The following PDGFD variants were observed in gnomAD, a reference collection of about 807,000 sequenced individuals.
PDGFD encodes the protein platelet-derived growth factor D.
PDGFD carries 30 observed loss-of-function variants against 44.7 expected under a neutral mutation model. The observed-to-expected ratio is 0.67, with a 90% CI of 0.50 to 0.91. The LOEUF is 0.91. Ranked by LOEUF, PDGFD falls within the 40% of genes least tolerant of loss-of-function variation. PDGFD has a pLI of 0.00. For missense variants in PDGFD, 445 were observed against 457.8 expected (o/e 0.97, Z 0.25); for synonymous variants, 173 against 168.4 (o/e 1.03, Z -0.21).
chr11:103,979,319 C>G (rs1859230430), intron 3 of PDGFD, among the ~76,000 whole-genome samples: 1 of 152,008 alleles, frequency 6.6e-6, no homozygotes, highest in African/African-American at 2.4e-5. Flanking sequence ...ATTAATGATT[C>G]CCCACTCCTT....
At position 104,020,315 on chromosome 11, in the gene PDGFD, G is replaced by A. The variant is rs566831311; in HGVS notation, c.125-20060C>T. Reference sequence around the variant, plus strand: ...GTTTGAGATGACTGTGACTGTGGACGTAATACTGAAAATATAAACTCCACA... The same window carrying A: ...GTTTGAGATGACTGTGACTGTGGACATAATACTGAAAATATAAACTCCACA... On this transcript the variant is annotated intron_variant, in intron 1 of 6. Coordinates refer to ENST00000393158, the MANE Select transcript of PDGFD (RefSeq NM_025208.5). Among the ~76,000 whole-genome samples the A allele has an allele frequency of 1.6e-4, 24 of 152,004 alleles. No individual in the cohort carries two copies. The East Asian group carries it at 1.7e-3, about 11-fold the overall frequency.
At chr11:104,118,773 TATATA>T (rs1417577495) in intron 1 of PDGFD, among the ~76,000 whole-genome samples, 24 of 103,170 alleles carry the variant, frequency 2.3e-4, no homozygotes, top group Non-Finnish European at 3.7e-4. Context: ...TAAATATTAA[TATATA>T]ATATATTATA....
At chr11:104,030,017 G>A (rs367629067) in intron 1 of PDGFD, among the ~76,000 whole-genome samples, 1 of 152,136 alleles carries the variant, frequency 6.6e-6, no homozygotes, top group South Asian at 2.1e-4. Context: ...CTGACCTCAC[G>A]AGACGGGTCT....
At chr11:104,067,735 G>T (rs188500233) in intron 1 of PDGFD, among the ~76,000 whole-genome samples, 8 of 152,158 alleles carry the variant, frequency 5.3e-5, no homozygotes, top group Admixed American at 1.3e-4. Context: ...CATGCCCACG[G>T]TCTAATGAGA....
chr11:104,052,322 C>T (rs1860553007), intron 1 of PDGFD, among the ~76,000 whole-genome samples: 1 of 151,756 alleles, frequency 6.6e-6, no homozygotes, highest in South Asian at 2.1e-4. Flanking sequence ...CCAGCAAAAC[C>T]TCAACTATCC....
intron 1 of PDGFD, among the ~76,000 whole-genome samples, chr11:104,117,675 A>G (rs374264676): frequency 7.6e-4 from 116 of 152,016 alleles, no homozygotes; most frequent in African/African-American, 2.8e-3. Flanking sequence ...ATATCTAACC[A>G]AGGAGATGAA....
chr11:104,077,257 C>T (rs1264501928), intron 1 of PDGFD, among the ~76,000 whole-genome samples: 1 of 152,138 alleles, frequency 6.6e-6, no homozygotes, highest in Non-Finnish European at 1.5e-5. Flanking sequence ...GACGACATGA[C>T]TGGTGACAAG....
At chr11:104,101,614 G>T (rs755443446) in intron 1 of PDGFD, among the ~76,000 whole-genome samples, 114 of 152,102 alleles carry the variant, frequency 7.5e-4, no homozygotes, top group Non-Finnish European at 1.3e-3. Context: ...AGCCCTCATC[G>T]CCAAGTCAAT....
chr11:104,105,671 A>G (rs1201095502), intron 1 of PDGFD, among the ~76,000 whole-genome samples: 1 of 152,128 alleles, frequency 6.6e-6, no homozygotes, highest in Non-Finnish European at 1.5e-5. Context: ...TGGCTCATAT[A>G]ATTCAGCTGT....
intron 1 of PDGFD, among the ~76,000 whole-genome samples, chr11:104,016,486 CA>C (rs1376637129): frequency 6.6e-6 from 1 of 152,200 alleles, no homozygotes; most frequent in Admixed American, 6.5e-5. Context: ...CCAGTCATGG[CA>C]AGGGGAACAG....
intron 3 of PDGFD, among the ~76,000 whole-genome samples, chr11:103,988,574 G>A (rs1328231315): frequency 2.0e-5 from 3 of 152,084 alleles, no homozygotes; most frequent in African/African-American, 4.8e-5. Context: ...GTACTTAACC[G>A]CGCCCGTGGA....
chr11:104,001,564 G>C (rs1474202308), intron 1 of PDGFD, among the ~76,000 whole-genome samples: 2 of 152,174 alleles, frequency 1.3e-5, no homozygotes, highest in African/African-American at 4.8e-5. Flanking sequence ...ATATTGTGGT[G>C]CTTGTAATTT....
rs1045545794 is a variant in PDGFD at position 103,937,995 on chromosome 11, A to G, written c.772+5457T>C. Among the ~76,000 whole-genome samples the G allele has an allele frequency of 1.8e-3, 266 of 151,030 alleles. 11 individuals carry two copies. The highest frequency in any genetic ancestry group is 6.3e-3 in the African/African-American group (255 of 40,450). ...TGGTTCCAAGTCTTTGCTATTGTGAATAGTGCTGCTATAAACATACATGTG... is the reference window on the plus strand; with the variant it reads ...TGGTTCCAAGTCTTTGCTATTGTGAGTAGTGCTGCTATAAACATACATGTG... On this transcript the variant is annotated intron_variant, in intron 5 of 6. Coordinates refer to ENST00000393158, the MANE Select transcript of PDGFD (RefSeq NM_025208.5).
At chr11:103,918,550 G>C (rs1858161466) in intron 6 of PDGFD, among the ~76,000 whole-genome samples, 1 of 152,158 alleles carries the variant, frequency 6.6e-6, no homozygotes, top group African/African-American at 2.4e-5. Context: ...TTTGGGATAA[G>C]AGCAAGAGCC....
At chr11:103,912,646 A>G (rs905753364) in intron 6 of PDGFD, among the ~76,000 whole-genome samples, 1 of 152,202 alleles carries the variant, frequency 6.6e-6, no homozygotes, top group African/African-American at 2.4e-5. Context: ...CCTTAAATGT[A>G]AATGGGCTAA....
chr11:103,991,513 T>G (rs1859452930), intron 3 of PDGFD, among the ~76,000 whole-genome samples: 2 of 152,224 alleles, frequency 1.3e-5, no homozygotes. Context: ...TAGAAAGTGT[T>G]ATAATGGGTA....
At chr11:103,990,424 C>CAACA (rs1223139767) in intron 3 of PDGFD, among the ~76,000 whole-genome samples, 1 of 152,198 alleles carries the variant, frequency 6.6e-6, no homozygotes, top group Non-Finnish European at 1.5e-5. Flanking sequence ...AGTCACTCTC[C>CAACA]AACACACTAT....
At chr11:104,073,906 G>T (rs1175204154) in intron 1 of PDGFD, among the ~76,000 whole-genome samples, 4 of 152,270 alleles carry the variant, frequency 2.6e-5, no homozygotes, top group East Asian at 1.9e-4. Flanking sequence ...AGGTAAATTA[G>T]AACTAGTACT....
At chr11:103,972,159 C>G (rs1420207454) in intron 3 of PDGFD, among the ~76,000 whole-genome samples, 1 of 152,186 alleles carries the variant, frequency 6.6e-6, no homozygotes, top group African/African-American at 2.4e-5. Flanking sequence ...TTTTCTCAAA[C>G]TCAGCATTAT....
Sources: gnomAD v4.1 joint callset for allele counts (sites outside exome capture counted in the v4.1 genomes callset) on GRCh38, gnomAD v4.1.1 for gene constraint, MANE v1.5 for transcripts, NCBI Gene and HGNC (gene_info 2026-07-23, HGNC 2026-07-21) for gene names.